Variants in ARMH4 observed in about 807,000 individuals in gnomAD.
ARMH4 encodes the protein armadillo like helical domain containing 4.
A neutral mutation model predicts 61.9 loss-of-function variants in ARMH4; 49 were observed. The ratio of observed to expected loss-of-function variants is 0.79; its 90% CI spans 0.63 to 1.00. The LOEUF (loss-of-function observed/expected upper bound fraction) is 1.00. ARMH4 is among the 50% of genes least tolerant of loss of function. The pLI, the probability that ARMH4 is intolerant of heterozygous loss-of-function variation, is 0.00. For synonymous variants in ARMH4, 368 were observed against 341.5 expected (o/e 1.08, Z -0.85); for missense variants, 934 against 930.0 (o/e 1.00, Z -0.06).
intron 1 of ARMH4, among the ~76,000 whole-genome samples, chr14:58,142,798 C>G (rs1235616569): frequency 1.3e-5 from 2 of 151,920 alleles, no homozygotes; most frequent in African/African-American, 4.8e-5. Context: ...TTTTTTCTTT[C>G]CCCAGGCTGG....
Position 58,068,213 on chromosome 14 carries a change from T to A in ARMH4, c.2089+28511A>T, listed in dbSNP as rs189791079. Among the ~76,000 whole-genome samples the A allele has an allele frequency of 3.7e-3, 559 of 152,278 alleles. 3 individuals carry two copies. The highest frequency in any genetic ancestry group is 0.013 in the African/African-American group (520 of 41,548). ...CAACTTTCCACGATGGGAGGAGTTA[T>A]CAGTTAATTCTGTCTACCCCCCAAC... is the stretch of plus-strand genomic sequence containing the variant. On this transcript the variant is annotated intron_variant, in intron 5 of 7. Transcript: ENST00000267485.
At chr14:58,105,406 C>A (rs1886137333) in intron 4 of ARMH4, among the ~76,000 whole-genome samples, 1 of 152,184 alleles carries the variant, frequency 6.6e-6, no homozygotes, top group Non-Finnish European at 1.5e-5. Flanking sequence ...AACAATTGGG[C>A]CGGGCATGGT....
chr14:58,005,357 A>G (rs1194738721), intron 6 of ARMH4, among the ~76,000 whole-genome samples, 175 bp from the exon 7 acceptor site: 1 of 152,222 alleles, frequency 6.6e-6, no homozygotes, highest in Non-Finnish European at 1.5e-5. Flanking sequence ...GGCAACAGAG[A>G]GAGAGACAGG....
chr14:58,148,861 AC>A (rs1887832934), intron 1 of ARMH4, among the ~76,000 whole-genome samples: 1 of 151,916 alleles, frequency 6.6e-6, no homozygotes. Context: ...ACACACACAC[AC>A]ACACACACAC....
At chr14:58,021,969 C>T (rs1254476627) in intron 5 of ARMH4, among the ~76,000 whole-genome samples, 2 of 152,096 alleles carry the variant, frequency 1.3e-5, no homozygotes, top group Admixed American at 6.6e-5. Context: ...ATAGTAGTTT[C>T]CTAAAGCTAC....
At chr14:58,088,888 T>G (rs1041480330) in intron 5 of ARMH4, among the ~76,000 whole-genome samples, 3 of 152,226 alleles carry the variant, frequency 2.0e-5, no homozygotes, top group African/African-American at 4.8e-5. Flanking sequence ...ACAGCAACAC[T>G]TCTGAAAATG....
chr14:58,026,638 G>A (rs1030728163), intron 5 of ARMH4, among the ~76,000 whole-genome samples: 2 of 152,100 alleles, frequency 1.3e-5, no homozygotes, highest in Non-Finnish European at 2.9e-5. Flanking sequence ...TACCAGATCT[G>A]CTGAATCAAA....
intron 4 of ARMH4, among the ~76,000 whole-genome samples, chr14:58,115,011 C>A (rs1450766013): frequency 6.6e-6 from 1 of 152,086 alleles, no homozygotes; most frequent in Non-Finnish European, 1.5e-5. Flanking sequence ...CTAGAAAAAA[C>A]CATTCTGGAC....
intron 4 of ARMH4, among the ~76,000 whole-genome samples, chr14:58,104,302 A>T (rs1265811599): frequency 6.6e-6 from 1 of 152,252 alleles, no homozygotes; most frequent in Non-Finnish European, 1.5e-5. Flanking sequence ...TACATGTGGG[A>T]TACAAGAGGA....
At chr14:58,048,216 C>T (rs575831462) in intron 5 of ARMH4, among the ~76,000 whole-genome samples, 30 of 152,266 alleles carry the variant, frequency 2.0e-4, no homozygotes, top group South Asian at 8.3e-4. Context: ...CGGGAAAAAC[C>T]CAAGACCCCT....
chr14:58,090,689 G>C (rs962500046), intron 5 of ARMH4, among the ~76,000 whole-genome samples: 2 of 151,932 alleles, frequency 1.3e-5, no homozygotes, highest in Non-Finnish European at 2.9e-5. Flanking sequence ...GACCAGCCTA[G>C]TCAATATGGT....
chr14:58,025,729 T>C (rs2096110876), intron 5 of ARMH4, among the ~76,000 whole-genome samples: 1 of 152,188 alleles, frequency 6.6e-6, no homozygotes, highest in Non-Finnish European at 1.5e-5. Context: ...TGAGTTTTTC[T>C]AGCTACAGAT....
intron 6 of ARMH4, among the ~76,000 whole-genome samples, chr14:58,007,266 C>T (rs538907724): frequency 6.6e-6 from 1 of 152,334 alleles, no homozygotes; most frequent in Admixed American, 6.5e-5. Context: ...TCGGTACTCT[C>T]AAATATGTCA....
intron 5 of ARMH4, among the ~76,000 whole-genome samples, chr14:58,016,879 A>G (rs897432108): frequency 5.3e-5 from 8 of 152,262 alleles, no homozygotes; most frequent in Admixed American, 5.2e-4. Context: ...ATTATACTCA[A>G]TGGTAAAAAG....
chr14:58,040,285 G>T (rs900351154), intron 5 of ARMH4, among the ~76,000 whole-genome samples: 1 of 152,050 alleles, frequency 6.6e-6, no homozygotes, highest in Admixed American at 6.6e-5. Flanking sequence ...GTACCCAGTC[G>T]TTGTTTGTTC....
intron 5 of ARMH4, among the ~76,000 whole-genome samples, chr14:58,025,201 A>G (rs1298457668): frequency 6.6e-6 from 1 of 152,186 alleles, no homozygotes; most frequent in Non-Finnish European, 1.5e-5. Context: ...AATGAGGCAT[A>G]TAAGGAAGGC....
chr14:58,134,054 T>C (rs568295285), intron 2 of ARMH4, among the ~76,000 whole-genome samples: 1 of 152,340 alleles, frequency 6.6e-6, no homozygotes, highest in African/African-American at 2.4e-5. Flanking sequence ...GGGATAATAA[T>C]AGTATCTATC....
intron 5 of ARMH4, among the ~76,000 whole-genome samples, chr14:58,089,240 C>T (rs1885480948): frequency 2.0e-5 from 3 of 152,216 alleles, no homozygotes. Context: ...AATACACTGA[C>T]ATTTGTTGCA....
chr14:58,028,613 A>G (rs529830907), intron 5 of ARMH4, among the ~76,000 whole-genome samples: 1 of 152,232 alleles, frequency 6.6e-6, no homozygotes, highest in South Asian at 2.1e-4. Flanking sequence ...AGCCAAGGCC[A>G]TGTCTCTTGA....
Sources: allele counts gnomAD v4.1 joint callset (sites outside exome capture counted in the v4.1 genomes callset), GRCh38; gene constraint gnomAD v4.1.1; transcripts MANE v1.5; gene names NCBI Gene and HGNC (gene_info 2026-07-23, HGNC 2026-07-21).